Variants in NCKAP5 observed in about 807,000 individuals in gnomAD.
NCKAP5 encodes NCK associated protein 5.
NCKAP5 carries 92 observed loss-of-function variants against 167.0 expected under a neutral mutation model. That is an observed-to-expected ratio of 0.55 (90% confidence interval 0.47 to 0.66). NCKAP5 has a LOEUF of 0.66. NCKAP5 is among the 30% of genes least tolerant of loss of function. The pLI, the probability that NCKAP5 is intolerant of heterozygous loss-of-function variation, is 0.00. For synonymous variants in NCKAP5, 891 were observed against 877.4 expected (o/e 1.02, Z -0.27); for missense variants, 2,378 against 2,315.0 (o/e 1.03, Z -0.56).
At chr2:132,968,207 G>A (rs1004462722) in intron 7 of NCKAP5, among the ~76,000 whole-genome samples, 9 of 152,230 alleles carry the variant, frequency 5.9e-5, no homozygotes, top group African/African-American at 1.7e-4. Flanking sequence ...AAGTCTAGAC[G>A]TAGGGGAGTG....
intron 11 of NCKAP5, among the ~76,000 whole-genome samples, chr2:132,817,878 G>C (rs1370631047): frequency 6.6e-6 from 1 of 152,164 alleles, no homozygotes; most frequent in Non-Finnish European, 1.5e-5. Context: ...CTAAGAAATG[G>C]TCGGGAATGA....
At chr2:133,319,187 A>G (rs561589039) in intron 3 of NCKAP5, among the ~76,000 whole-genome samples, 14 of 139,248 alleles carry the variant, frequency 1.0e-4, no homozygotes, top group African/African-American at 3.8e-4. Flanking sequence ...TTTTCAAGAT[A>G]AATCATTTGA....
chr2:133,444,385 TAG>T (rs1691055853), intron 3 of NCKAP5, among the ~76,000 whole-genome samples: 2 of 150,628 alleles, frequency 1.3e-5, no homozygotes, highest in African/African-American at 2.5e-5. Flanking sequence ...GATAGATAGA[TAG>T]ATAGATAGAT....
intron 6 of NCKAP5, among the ~76,000 whole-genome samples, chr2:133,036,822 A>G (rs1404359318): frequency 6.6e-6 from 1 of 152,074 alleles, no homozygotes; most frequent in Admixed American, 6.6e-5. Flanking sequence ...TAGCTGGAGC[A>G]ATCAGACAAG....
At chr2:133,575,941 T>G in the NCKAP5 span, among the ~76,000 whole-genome samples, 3 of 152,268 alleles carry the variant, frequency 2.0e-5, no homozygotes, top group African/African-American at 7.2e-5. Context: ...CAAGCCAGAC[T>G]GTGGTCACCT....
rs1255134862 is a variant in NCKAP5, at chr2:133,270,912, A to ATTTTTTTT, written c.143+32117_143+32124dup. ...GTACTTTTGTTTTTTGTTGCTTCAA[A>ATTTTTTTT]TTTTTTTTTTTTTTTTTTCTTTTTT... On this transcript the variant is annotated intron_variant, in intron 4 of 19. Coordinates refer to ENST00000409261, the MANE Select transcript of NCKAP5 (RefSeq NM_207363.3). Among the ~76,000 whole-genome samples the ATTTTTTTT allele has an allele frequency of 7.8e-5, 10 of 128,966 alleles. 1 individual carries two copies. Among genetic ancestry groups the ATTTTTTTT allele is most frequent in the African/African-American group, 2.9e-4 (10 of 34,168 alleles). 84.6% of individuals were successfully genotyped at this position (128,966 alleles called of 152,430 possible). A position where few individuals can be genotyped will look rare whatever the true frequency, so the allele number is the denominator to read the frequency against.
the NCKAP5 span, among the ~76,000 whole-genome samples, chr2:133,638,853 A>C: frequency 6.7e-6 from 1 of 150,338 alleles, no homozygotes; most frequent in Admixed American, 6.6e-5. Flanking sequence ...GTGAGACTCT[A>C]TCTCAAAAAA....
intron 19 of NCKAP5, among the ~76,000 whole-genome samples, chr2:132,680,744 A>G (rs1685111725): frequency 6.6e-6 from 1 of 152,162 alleles, no homozygotes; most frequent in African/African-American, 2.4e-5. Context: ...AAGATAAAGT[A>G]GCAGGAAGAA....
rs149896546 is a variant in NCKAP5, at chr2:132,967,162, TACACACACACACAC to T, written c.430-3307_430-3294del. On this transcript the variant is annotated intron_variant, in intron 7 of 19. Coordinates refer to ENST00000409261, the MANE Select transcript of NCKAP5 (RefSeq NM_207363.3). Reference sequence around the variant, plus strand: ...ATAATGAGGAGCCACTGCCCTATCGTACACACACACACACACACACACACACACACACACACACA... The same window carrying T: ...ATAATGAGGAGCCACTGCCCTATCGTACACACACACACACACACACACACA... Among the ~76,000 whole-genome samples, 6 of 141,840 alleles carry T rather than the reference TACACACACACACAC, an allele frequency of 4.2e-5. No homozygotes were observed. In the East Asian group the frequency reaches 6.4e-4, roughly 15 times the overall value. The allele number at this position is 141,840 out of a possible 152,430, so 93.1% of individuals were successfully genotyped here.
chr2:133,201,542 G>T (rs1362805214), intron 5 of NCKAP5, among the ~76,000 whole-genome samples: 3 of 152,126 alleles, frequency 2.0e-5, no homozygotes, highest in African/African-American at 7.2e-5. Context: ...ATCAATGATT[G>T]TTTATGCAGT....
chr2:133,225,558 T>A (rs1447591203), intron 4 of NCKAP5, among the ~76,000 whole-genome samples: 1 of 152,130 alleles, frequency 6.6e-6, no homozygotes, highest in African/African-American at 2.4e-5. Flanking sequence ...CATTCCTTCA[T>A]TTGTGGAATG....
At chr2:133,508,987 C>T (rs1683259569) in intron 3 of NCKAP5, among the ~76,000 whole-genome samples, 1 of 152,206 alleles carries the variant, frequency 6.6e-6, no homozygotes, top group Admixed American at 6.5e-5. Flanking sequence ...AACAAGGATG[C>T]ACAGAACTAC....
chr2:133,604,474 G>A, the NCKAP5 span, among the ~76,000 whole-genome samples: 1 of 152,002 alleles, frequency 6.6e-6, no homozygotes, highest in Non-Finnish European at 1.5e-5. Context: ...CTAAAGTGCT[G>A]GAATTACAGG....
chr2:133,259,740 G>A (rs1026717524), intron 4 of NCKAP5, among the ~76,000 whole-genome samples: 1 of 152,204 alleles, frequency 6.6e-6, no homozygotes, highest in African/African-American at 2.4e-5. Flanking sequence ...ATCTAAAGTA[G>A]ACACAACGAT....
chr2:133,391,297 G>T, intron 3 of NCKAP5: 1 of 159,706 alleles, frequency 6.3e-6, no homozygotes. Flanking sequence ...CACATGGAGC[G>T]GTGAGGGAGG....
rs547864643 is a variant in NCKAP5 at position 133,342,015 on chromosome 2, T to C, written c.70-38905A>G. Among the ~76,000 whole-genome samples the C allele has an allele frequency of 2.6e-5, 4 of 152,268 alleles. No homozygotes were observed. The East Asian group carries it at 7.7e-4, about 29-fold the overall frequency. On this transcript the variant is annotated intron_variant, in intron 3 of 19. Transcript: ENST00000409261. ...GTGCAGCGGTGCGATCTCGACTTACTGCAAGCTCAGCCTCCCGGGTTCACG... is the reference window on the plus strand; with the variant it reads ...GTGCAGCGGTGCGATCTCGACTTACCGCAAGCTCAGCCTCCCGGGTTCACG...
At chr2:132,954,698 G>T in intron 8 of NCKAP5, 1 of 451,932 alleles carries the variant, frequency 2.2e-6, no homozygotes, top group Non-Finnish European at 4.4e-6. Flanking sequence ...ATTTGATTAG[G>T]TACAATAATA....
chr2:133,408,500 A>G (rs1031281259), intron 3 of NCKAP5, among the ~76,000 whole-genome samples: 2 of 152,124 alleles, frequency 1.3e-5, no homozygotes, highest in East Asian at 1.9e-4. Context: ...CCAAAAATGT[A>G]AAGCAATCCG....
rs911381987 is a variant in NCKAP5 at position 133,471,539 on chromosome 2, G to A, written c.69+45919C>T. On this transcript the variant is annotated intron_variant, in intron 3 of 19. Coordinates refer to ENST00000409261, the MANE Select transcript of NCKAP5 (RefSeq NM_207363.3). ...GGGAATAAAAACCTGGGAGGGGAGGGGGGAAGCAAGCAGGCAGAGGGTCTC... is the reference window on the plus strand; with the variant it reads ...GGGAATAAAAACCTGGGAGGGGAGGAGGGAAGCAAGCAGGCAGAGGGTCTC... Among the ~76,000 whole-genome samples, 73 of 152,126 alleles carry A rather than the reference G, an allele frequency of 4.8e-4. 3 individuals are homozygous for A. Among genetic ancestry groups the A allele is most frequent in the South Asian group, 1.0e-3 (5 of 4,804 alleles).
Sources: allele counts gnomAD v4.1 joint callset (sites outside exome capture counted in the v4.1 genomes callset), GRCh38; gene constraint gnomAD v4.1.1; transcripts MANE v1.5; gene names NCBI Gene and HGNC (gene_info 2026-07-23, HGNC 2026-07-21).